Variants in ANKRD29 observed in about 807,000 individuals in gnomAD.
ANKRD29 encodes ankyrin repeat domain 29.
In ANKRD29, 32 loss-of-function variants were observed where a neutral mutation model predicts 38.0. The ratio of observed to expected loss-of-function variants is 0.84; its 90% confidence interval spans 0.64 to 1.13. The LOEUF is 1.13. Among genes scored for constraint, ANKRD29 ranks in the 50% most tolerant of loss-of-function variants. The probability of loss-of-function intolerance (pLI) is 0.00; values close to 1 mark genes in which losing one functional copy is unlikely to be tolerated. For missense variants in ANKRD29, 357 were observed against 377.9 expected (o/e 0.94, Z 0.46); for synonymous variants, 135 against 152.4 (o/e 0.89, Z 0.84).
chr18:23,652,922 T>C (rs1166563144), intron 1 of ANKRD29, among the ~76,000 whole-genome samples: 1 of 152,244 alleles, frequency 6.6e-6, no homozygotes, highest in Non-Finnish European at 1.5e-5. Flanking sequence ...TAATATATAA[T>C]GATAGGCTGC....
chr18:23,624,826 C>A (rs769643976), intron 6 of ANKRD29, among the ~76,000 whole-genome samples: 3 of 152,204 alleles, frequency 2.0e-5, no homozygotes, highest in Non-Finnish European at 2.9e-5. Flanking sequence ...TTTCCTCCAA[C>A]TCTGTTATTC....
chr18:23,640,211 A>T (rs1344349389), intron 3 of ANKRD29, among the ~76,000 whole-genome samples: 1 of 152,096 alleles, frequency 6.6e-6, no homozygotes. Flanking sequence ...GCTGACAGCC[A>T]CCAGGGGCTG....
At chr18:23,662,032 A>T (rs1254235824) in intron 1 of ANKRD29, among the ~76,000 whole-genome samples, 2 of 152,004 alleles carry the variant, frequency 1.3e-5, no homozygotes, top group Non-Finnish European at 2.9e-5. Flanking sequence ...TTGAAAAAAA[A>T]AAAAAAAAGA....
chr18:23,642,614 G>A (rs551608491), intron 3 of ANKRD29, among the ~76,000 whole-genome samples: 36 of 152,320 alleles, frequency 2.4e-4, no homozygotes, highest in South Asian at 4.1e-4. Flanking sequence ...TGAGCCCAAC[G>A]GGCCTGAGCA....
intron 1 of ANKRD29, among the ~76,000 whole-genome samples, chr18:23,650,651 A>G (rs2115803): frequency 0.11 from 16,733 of 152,182 alleles, 1,910 homozygotes; most frequent in African/African-American, 0.25. Context: ...GCCCTGCACA[A>G]GTAAGTTGGC....
chr18:23,635,970 C>T (rs1438513551), intron 4 of ANKRD29, among the ~76,000 whole-genome samples: 1 of 152,126 alleles, frequency 6.6e-6, no homozygotes, highest in Non-Finnish European at 1.5e-5. Context: ...TGGTAGACGG[C>T]AGTGGTGAGG....
intron 4 of ANKRD29, among the ~76,000 whole-genome samples, chr18:23,635,876 C>T (rs1251118391): frequency 6.6e-6 from 1 of 152,050 alleles, no homozygotes; most frequent in Non-Finnish European, 1.5e-5. Context: ...TCCCCAGAGG[C>T]AGGCTCTGTG....
chr18:23,601,581 T>C (rs1464079321), intron 9 of ANKRD29, among the ~76,000 whole-genome samples: 1 of 152,232 alleles, frequency 6.6e-6, no homozygotes, highest in East Asian at 1.9e-4. Flanking sequence ...AATTAATCAT[T>C]GTATCCTTAT....
chr18:23,604,096 C>T (rs561857466), intron 9 of ANKRD29, among the ~76,000 whole-genome samples: 2 of 152,292 alleles, frequency 1.3e-5, no homozygotes, highest in East Asian at 1.9e-4. Context: ...CCTGCCTCGG[C>T]CTCCCAAACT....
intron 8 of ANKRD29, among the ~76,000 whole-genome samples, chr18:23,616,270 C>T (rs1461051323): frequency 1.3e-5 from 2 of 148,778 alleles, no homozygotes; most frequent in Non-Finnish European, 3.0e-5. Context: ...TAAATATATG[C>T]CATATACTAA....
intron 6 of ANKRD29, among the ~76,000 whole-genome samples, chr18:23,625,555 T>C (rs1408174275): frequency 6.6e-6 from 1 of 152,154 alleles, no homozygotes; most frequent in East Asian, 1.9e-4. Context: ...AAGTGCAGCC[T>C]TGATTTCTGA....
intron 1 of ANKRD29, among the ~76,000 whole-genome samples, chr18:23,654,645 C>T (rs1284644085): frequency 1.4e-5 from 2 of 142,046 alleles, no homozygotes; most frequent in African/African-American, 2.6e-5. Flanking sequence ...AAAAAAAAGT[C>T]TGATAGTCTG....
intron 5 of ANKRD29, among the ~76,000 whole-genome samples, chr18:23,633,113 C>T (rs767364388): frequency 1.3e-5 from 2 of 152,296 alleles, no homozygotes. Flanking sequence ...ATTCTATTTT[C>T]GCTTACAAAA....
intron 1 of ANKRD29, 102 bp from the exon 2 acceptor site, chr18:23,649,295 G>T: frequency 3.5e-6 from 3 of 859,952 alleles, no homozygotes; most frequent in South Asian, 1.6e-5. Flanking sequence ...ACATCCAGAT[G>T]TGTTGCATCA....
At chr18:23,648,896 T>G (rs1253019702) in intron 2 of ANKRD29, 187 bp downstream of exon 2, 3 of 515,264 alleles carry the variant, frequency 5.8e-6, no homozygotes, top group Non-Finnish European at 1.0e-5. Context: ...TGTTTCCTTT[T>G]CTTTCTGACT....
At chr18:23,646,494 C>A in intron 2 of ANKRD29, 1 of 452,752 alleles carries the variant, frequency 2.2e-6, no homozygotes, top group Non-Finnish European at 4.0e-6. Flanking sequence ...TTGGAATTTT[C>A]GATGTAAAAA....
intron 1 of ANKRD29, among the ~76,000 whole-genome samples, chr18:23,655,702 G>A (rs1598545892): frequency 1.3e-5 from 2 of 151,754 alleles, no homozygotes; most frequent in Admixed American, 1.3e-4. Context: ...TGATCTACCC[G>A]CCTCAGCCTC....
chr18:23,601,916 C>T (rs980252880), intron 9 of ANKRD29, among the ~76,000 whole-genome samples: 2 of 152,066 alleles, frequency 1.3e-5, no homozygotes, highest in Non-Finnish European at 2.9e-5. Context: ...CCTCAGCTTC[C>T]AAAGTGTTGG....
chr18:23,611,054 G>C (rs184081357), intron 9 of ANKRD29, among the ~76,000 whole-genome samples: 1 of 152,366 alleles, frequency 6.6e-6, no homozygotes, highest in African/African-American at 2.4e-5. Context: ...TTAAGCAGAT[G>C]TTGAAGAGGA....
Sources: gnomAD v4.1 joint callset for allele counts (sites outside exome capture counted in the v4.1 genomes callset) on GRCh38, gnomAD v4.1.1 for gene constraint, MANE v1.5 for transcripts, NCBI Gene and HGNC (gene_info 2026-07-23, HGNC 2026-07-21) for gene names.